The following RANBP2 variants were observed in gnomAD, a reference collection of about 807,000 sequenced individuals.
RANBP2 encodes RAN binding protein 2.
A neutral mutation model predicts 303.6 loss-of-function variants in RANBP2; 57 were observed. The observed-to-expected ratio is 0.19, with a 90% CI of 0.15 to 0.23. The LOEUF is 0.23. Among genes scored for constraint, RANBP2 ranks in the 10% least tolerant of loss-of-function variants. The probability of loss-of-function intolerance (pLI) is 1.00; values close to 1 mark genes in which losing one functional copy is unlikely to be tolerated. For missense variants in RANBP2, 3,138 were observed against 3,780.8 expected (o/e 0.83, Z 4.46); for synonymous variants, 1,167 against 1,301.5 (o/e 0.90, Z 2.23).
chr2:108,773,663 G>GA (rs1329885594), intron 23 of RANBP2, among the ~76,000 whole-genome samples: 2 of 149,816 alleles, frequency 1.3e-5, no homozygotes, highest in Admixed American at 6.6e-5. Flanking sequence ...TTTTTTTTGG[G>GA]GGGGGATGGA....
the RANBP2 span, chr2:109,398,723 C>CAGGGG: frequency 6.2e-7 from 1 of 1,613,164 alleles, no homozygotes; most frequent in Non-Finnish European, 8.5e-7. Context: ...TTAAGCAGCT[C>CAGGGG]AGGGGCGGTC....
the RANBP2 span, among the ~76,000 whole-genome samples, chr2:109,474,759 A>G: frequency 3.2e-4 from 48 of 152,292 alleles, no homozygotes; most frequent in Admixed American, 7.8e-4. Flanking sequence ...GGATCCAGTG[A>G]TCCGAGGCCC....
the RANBP2 span, among the ~76,000 whole-genome samples, chr2:108,994,829 T>C: frequency 4.8e-4 from 2 of 4,142 alleles, no homozygotes; most frequent in African/African-American, 1.5e-3. Context: ...TATATATATA[T>C]CTTTTTTTTT....
chr2:109,253,142 C>T, the RANBP2 span, among the ~76,000 whole-genome samples: 1 of 152,238 alleles, frequency 6.6e-6, no homozygotes, highest in East Asian at 1.9e-4. Flanking sequence ...ATTCTCCTGC[C>T]TCAGCCTTCT....
the RANBP2 span, among the ~76,000 whole-genome samples, chr2:109,579,414 G>A: frequency 2.8e-5 from 4 of 142,988 alleles, no homozygotes; most frequent in South Asian, 2.2e-4. Context: ...ATGGAGTTTC[G>A]CTCTTGTTGA....
chr2:109,728,529 C>T, the RANBP2 span, among the ~76,000 whole-genome samples: 25 of 151,484 alleles, frequency 1.7e-4, no homozygotes, highest in Non-Finnish European at 3.4e-4. Flanking sequence ...GATCTTGGCT[C>T]ACAGCAACCT....
the RANBP2 span, among the ~76,000 whole-genome samples, chr2:109,338,086 T>G: frequency 2.0e-5 from 3 of 152,150 alleles, no homozygotes; most frequent in Non-Finnish European, 4.4e-5. Flanking sequence ...TGTGGAGAAC[T>G]TTAGTAAACA....
chr2:109,368,010 G>T, the RANBP2 span, among the ~76,000 whole-genome samples: 5 of 152,226 alleles, frequency 3.3e-5, no homozygotes, highest in Non-Finnish European at 7.3e-5. Flanking sequence ...GAACAAAAGG[G>T]GAATCTTCCT....
the RANBP2 span, among the ~76,000 whole-genome samples, chr2:108,923,881 G>A: frequency 6.6e-6 from 1 of 152,250 alleles, no homozygotes; most frequent in Non-Finnish European, 1.5e-5. Context: ...CTGCAGCCTA[G>A]TGGGATTATA....
At chr2:109,444,757 C>A in the RANBP2 span, among the ~76,000 whole-genome samples, 2 of 152,136 alleles carry the variant, frequency 1.3e-5, no homozygotes, top group Non-Finnish European at 2.9e-5. Context: ...AGACAAAGAG[C>A]CGCAAGCTCA....
At chr2:109,420,762 A>G in the RANBP2 span, among the ~76,000 whole-genome samples, 1 of 152,138 alleles carries the variant, frequency 6.6e-6, no homozygotes, top group South Asian at 2.1e-4. Context: ...ATGTATTTCA[A>G]GCAAAAAAGT....
the RANBP2 span, among the ~76,000 whole-genome samples, chr2:109,473,341 A>G: frequency 6.6e-6 from 1 of 152,182 alleles, no homozygotes; most frequent in Admixed American, 6.5e-5. Context: ...GTGGCTGGTT[A>G]CCAAGCACAA....
At chr2:108,986,139 C>G in the RANBP2 span, among the ~76,000 whole-genome samples, 1 of 152,086 alleles carries the variant, frequency 6.6e-6, no homozygotes, top group Non-Finnish European at 1.5e-5. Flanking sequence ...TGTTGGGATG[C>G]CTGAGCCCCA....
chr2:109,704,543 A>G, the RANBP2 span, among the ~76,000 whole-genome samples: 1 of 150,640 alleles, frequency 6.6e-6, no homozygotes, highest in East Asian at 2.0e-4. Flanking sequence ...AAAAAATAAC[A>G]AATAAAAATT....
intron 1 of RANBP2, among the ~76,000 whole-genome samples, chr2:108,726,727 C>A (rs1694742014): frequency 1.3e-5 from 2 of 151,290 alleles, no homozygotes; most frequent in Admixed American, 6.6e-5. Context: ...GGAAGGTCAG[C>A]AGATAAACAA....
chr2:108,838,473 T>G, the RANBP2 span, among the ~76,000 whole-genome samples: 3 of 152,182 alleles, frequency 2.0e-5, no homozygotes, highest in South Asian at 4.1e-4. Flanking sequence ...ATAAATATCT[T>G]TGTACATGGC....
the RANBP2 span, among the ~76,000 whole-genome samples, chr2:109,008,437 A>G: frequency 6.6e-6 from 1 of 152,152 alleles, no homozygotes; most frequent in Non-Finnish European, 1.5e-5. Context: ...CCCAAAAACA[A>G]GCTCAATATT....
the RANBP2 span, among the ~76,000 whole-genome samples, chr2:109,176,499 A>G: frequency 3.9e-5 from 6 of 152,142 alleles, no homozygotes; most frequent in Admixed American, 6.5e-5. Flanking sequence ...TGTGGGGCCA[A>G]GGTGGGAGGA....
chr2:109,473,620 C>A, the RANBP2 span, among the ~76,000 whole-genome samples: 1 of 152,136 alleles, frequency 6.6e-6, no homozygotes, highest in Non-Finnish European at 1.5e-5. Flanking sequence ...AAAGCACAAA[C>A]AAGGTTCAAG....
Sources: allele counts gnomAD v4.1 joint callset (sites outside exome capture counted in the v4.1 genomes callset), GRCh38; gene constraint gnomAD v4.1.1; transcripts MANE v1.5; gene names NCBI Gene and HGNC (gene_info 2026-07-23, HGNC 2026-07-21).